Variants in PCYT1B observed in about 807,000 individuals in gnomAD.
The protein encoded by PCYT1B is choline-phosphate cytidylyltransferase B.
A neutral mutation model predicts 26.4 loss-of-function variants in PCYT1B; 10 were observed. That is an observed-to-expected ratio of 0.38 (90% CI 0.23 to 0.64). PCYT1B has a LOEUF of 0.64. PCYT1B is among the 30% of genes least tolerant of loss of function. PCYT1B has a pLI of 0.56. For synonymous variants in PCYT1B, 131 were observed against 108.4 expected (o/e 1.21, Z -1.29); for missense variants, 161 against 292.7 (o/e 0.55, Z 3.28).
rs1328630355 is a variant in PCYT1B, at chrX:24,629,577, AAAAAAAAAAAAAAC to A, written c.118-10507_118-10494del. The stretch of plus-strand genomic sequence containing the variant: ...CCTGTCTCAAAAAAAAAAAAAAAAA[AAAAAAAAAAAAAAC>A]AACACGTATTTTCCAACTTTATTTA... On this transcript the variant is annotated intron_variant, in intron 1 of 7. Transcript: ENST00000379144. Among the ~76,000 whole-genome samples, 61 of 99,772 alleles carry A rather than the reference AAAAAAAAAAAAAAC, an allele frequency of 6.1e-4. 1 individual carries two copies. Among genetic ancestry groups the A allele is most frequent in the Non-Finnish European group, 9.5e-4 (46 of 48,559 alleles). 86.6% of individuals were successfully genotyped at this position (99,772 alleles called of 115,157 possible). A position where few individuals can be genotyped will look rare whatever the true frequency, so the allele number is the denominator to read the frequency against.
chrX:24,656,781 C>G (rs1243547159), intron 1 of PCYT1B, among the ~76,000 whole-genome samples: 1 of 109,491 alleles, frequency 9.1e-6, no homozygotes, highest in Non-Finnish European at 1.9e-5. Flanking sequence ...ATCCCCCAAC[C>G]TCGGCCTCCC....
rs1485237554 is a variant in PCYT1B, at chrX:24,558,924, G to A, written c.*3369C>T. Reference sequence around the variant, plus strand: ...CTGAAATGAAGCAACCAGAGAGGCAGGGACCCCATATCCTGCATGGGCATT... The same window carrying A: ...CTGAAATGAAGCAACCAGAGAGGCAAGGACCCCATATCCTGCATGGGCATT... On this transcript the variant is annotated 3_prime_UTR_variant, in exon 8 of 8. Transcript: ENST00000379144. 1 of 111,201 alleles carries A rather than the reference G, an allele frequency of 9.0e-6. No homozygotes were observed. Among genetic ancestry groups the A allele is most frequent in the Non-Finnish European group, 1.9e-5 (1 of 53,062 alleles). The allele number at this position is 111,201 out of a possible 1,213,427, so 9.2% of individuals were successfully genotyped here. A position where few individuals can be genotyped will look rare whatever the true frequency, so the allele number is the denominator to read the frequency against.
intron 4 of PCYT1B, among the ~76,000 whole-genome samples, chrX:24,588,794 C>T (rs1401475051): frequency 1.8e-5 from 2 of 111,520 alleles, no homozygotes; most frequent in African/African-American, 6.5e-5. Context: ...GCCAAATGTT[C>T]CTCAGGGCAA....
chrX:24,590,098 T>C lies in PCYT1B; in HGVS notation c.411A>G (p.Arg137=), dbSNP rs377722583. The C allele has an allele frequency of 5.8e-6, 7 of 1,203,455 alleles. No individual in the cohort carries two copies. In the African/African-American group the frequency reaches 1.1e-4, roughly 18 times the overall value. Residue 137 remains arginine (R), a synonymous_variant, in exon 4 of 8, where the codon AGA becomes AGG. Transcript: ENST00000379144. ...MNEAERYEAL[R]HCRYVDEVIR... is the part of the protein sequence containing the mutation. The stretch of plus-strand genomic sequence containing the variant: ...TAACTTCGTCTACGTAGCGACAGTG[T>C]CTGAGAGCTTCGTATCTCTCGGCTT...
Position 24,589,876 on chromosome X carries a change from A to C in PCYT1B, c.486+147T>G, listed in dbSNP as rs772165338. 80 of 459,030 alleles carry C rather than the reference A, an allele frequency of 1.7e-4. No individual in the cohort carries two copies. The African/African-American group carries it at 1.9e-3, about 11-fold the overall frequency. The allele number at this position is 459,030 out of a possible 1,213,427, so 37.8% of individuals were successfully genotyped here. On this transcript the variant is annotated intron_variant, in intron 4 of 7. Transcript: ENST00000379144. ...CAGTCCTCGGGCTTGGGCGGACGAA[A>C]GGTGCCACATCAAGCAGTTCCACAT...
rs149924432 is a variant in PCYT1B at position 24,590,119 on chromosome X, G to A, written c.390C>T (p.Ala130=). 1.8e-5 allele frequency: 22 copies of A among 1,205,725 alleles called. No individual in the cohort carries two copies. Among genetic ancestry groups the A allele is most frequent in the South Asian group, 5.3e-5 (3 of 56,487 alleles). Residue 130 remains alanine (A), a synonymous_variant, in exon 4 of 8, where the codon GCC becomes GCT. Transcript: ENST00000379144. ...KFKGFTVMNE[A]ERYEALRHCR... is the part of the protein sequence containing the mutation. Reference sequence around the variant, plus strand: ...AGTGTCTGAGAGCTTCGTATCTCTCGGCTTCATTCATCACGGTGAAACCTT... The same window carrying A: ...AGTGTCTGAGAGCTTCGTATCTCTCAGCTTCATTCATCACGGTGAAACCTT...
At position 24,631,724 on chromosome X, in the gene PCYT1B, G is replaced by A. The variant is rs1926099629; in HGVS notation, c.118-12640C>T. The stretch of plus-strand genomic sequence containing the variant: ...CTCACGCCTGTAATTCCAGCACTTT[G>A]GGAGGCCAAGGCGGGCGGATCACCT... On this transcript the variant is annotated intron_variant, in intron 1 of 7. Coordinates refer to ENST00000379144, the MANE Select transcript of PCYT1B (RefSeq NM_004845.5). 2.7e-5 allele frequency among the ~76,000 whole-genome samples: 3 copies of A among 112,032 alleles called. No homozygotes were observed. In the Admixed American group the frequency reaches 2.8e-4, roughly 11 times the overall value.
intron 2 of PCYT1B, among the ~76,000 whole-genome samples, chrX:24,611,414 T>C (rs770575300): frequency 8.1e-5 from 9 of 111,693 alleles, no homozygotes; most frequent in Non-Finnish European, 1.5e-4. Context: ...AGAGCATCTA[T>C]GTGAGATACC....
At chrX:24,652,928 A>G (rs764164407) in intron 1 of PCYT1B, among the ~76,000 whole-genome samples, 2 of 110,751 alleles carry the variant, frequency 1.8e-5, no homozygotes, top group African/African-American at 6.6e-5. Context: ...TATTAAAAAC[A>G]CAGAAAATTA....
At chrX:24,657,102 T>G (rs1926938056) in intron 1 of PCYT1B, among the ~76,000 whole-genome samples, 1 of 111,878 alleles carries the variant, frequency 8.9e-6, no homozygotes, top group Non-Finnish European at 1.9e-5. Flanking sequence ...TTGCTATTAC[T>G]TGGTGGTATT....
chrX:24,567,782 C>G (rs1923681845), intron 7 of PCYT1B, among the ~76,000 whole-genome samples: 1 of 110,580 alleles, frequency 9.0e-6, no homozygotes, highest in South Asian at 3.9e-4. Flanking sequence ...AACCCTGTCT[C>G]TACTAAAAAT....
chrX:24,612,980 G>A (rs1462671365), intron 2 of PCYT1B, among the ~76,000 whole-genome samples: 2 of 112,264 alleles, frequency 1.8e-5, no homozygotes, highest in Non-Finnish European at 3.8e-5. Flanking sequence ...CAAAACACAT[G>A]TATTTCACTT....
rs1926653943 is a variant in PCYT1B at position 24,647,131 on chromosome X, T to C, written c.-26A>G. On this transcript the variant is annotated 5_prime_UTR_variant, in exon 1 of 8. Coordinates refer to ENST00000379144, the MANE Select transcript of PCYT1B (RefSeq NM_004845.5). Reference sequence around the variant, plus strand: ...GGCCAGTGAATGCTCCCTCTAGCTCTACACCCTCAGAGAGTCTCCTCCCAG... The same window carrying C: ...GGCCAGTGAATGCTCCCTCTAGCTCCACACCCTCAGAGAGTCTCCTCCCAG... 6 of 1,207,282 alleles carry C rather than the reference T, an allele frequency of 5.0e-6. No individual in the cohort carries two copies. Among genetic ancestry groups the C allele is most frequent in the Middle Eastern group, 2.3e-4 (1 of 4,313 alleles).
intron 3 of PCYT1B, among the ~76,000 whole-genome samples, chrX:24,592,819 T>G (rs1247521106): frequency 8.9e-6 from 1 of 112,013 alleles, no homozygotes; most frequent in African/African-American, 3.2e-5. Flanking sequence ...GGTCCGGGCC[T>G]TGCACTATTC....
At chrX:24,630,517 G>C (rs187383136) in intron 1 of PCYT1B, among the ~76,000 whole-genome samples, 4 of 111,582 alleles carry the variant, frequency 3.6e-5, no homozygotes, top group Non-Finnish European at 5.7e-5. Context: ...GGATGGTCTC[G>C]ATCTCCTGAC....
intron 4 of PCYT1B, among the ~76,000 whole-genome samples, chrX:24,587,962 C>T (rs1222580001): frequency 8.9e-6 from 1 of 112,857 alleles, no homozygotes; most frequent in Non-Finnish European, 1.9e-5. Flanking sequence ...CACTGCATCC[C>T]TCTCTTTTAC....
At chrX:24,672,708 T>C (rs1039580519), upstream of PCYT1B, 32 of 860,571 alleles carry the variant, frequency 3.7e-5, no homozygotes, top group Non-Finnish European at 5.4e-5. Context: ...GATGAAATTT[T>C]TGTTGCTCAC....
chrX:24,618,348 A>G (rs1457572299), intron 2 of PCYT1B, among the ~76,000 whole-genome samples: 2 of 112,411 alleles, frequency 1.8e-5, no homozygotes, highest in African/African-American at 3.2e-5. Flanking sequence ...TAGTTATCAC[A>G]GAAACCTTGT....
intron 1 of PCYT1B, among the ~76,000 whole-genome samples, chrX:24,646,459 A>G (rs1328584419): frequency 4.5e-5 from 5 of 111,559 alleles, no homozygotes; most frequent in Non-Finnish European, 9.4e-5. Flanking sequence ...TTCTAACTAA[A>G]TCATTGAGGG....
Sources: gnomAD v4.1 joint callset for allele counts (sites outside exome capture counted in the v4.1 genomes callset) on GRCh38, gnomAD v4.1.1 for gene constraint, MANE v1.5 for transcripts, NCBI Gene and HGNC (gene_info 2026-07-23, HGNC 2026-07-21) for gene names.